Variants in RSF1 observed in about 807,000 individuals in gnomAD.
RSF1 encodes the protein HBV pX-associated protein 8.
In RSF1, 13 loss-of-function variants were observed where a neutral mutation model predicts 145.2. The observed-to-expected ratio is 0.09, with a 90% confidence interval of 0.06 to 0.14. RSF1 has a LOEUF of 0.14. RSF1 is among the 10% of genes least tolerant of loss of function. The pLI is 1.00. For missense variants in RSF1, 1,517 were observed against 1,718.2 expected, an observed-to-expected ratio of 0.88 and a Z score of 2.07; for synonymous variants, 577 against 592.6, an observed-to-expected ratio of 0.97 and a Z score of 0.38.
At chr11:77,817,621 C>A (rs985495764) in intron 1 of RSF1, among the ~76,000 whole-genome samples, 2 of 152,186 alleles carry the variant, frequency 1.3e-5, no homozygotes, top group Non-Finnish European at 2.9e-5. Context: ...AATTTTGTGG[C>A]TTTGGACTCA....
chr11:77,854,676 C>T, the RSF1 span, among the ~76,000 whole-genome samples: 8 of 152,310 alleles, frequency 5.3e-5, no homozygotes, highest in Admixed American at 5.2e-4. Flanking sequence ...CTTTCGTGGG[C>T]TGGCATTGAG....
chr11:77,744,994 T>C (rs1947984947), intron 3 of RSF1, among the ~76,000 whole-genome samples: 1 of 152,206 alleles, frequency 6.6e-6, no homozygotes, highest in Non-Finnish European at 1.5e-5. Context: ...TATTAGTCTG[T>C]TCAGATTTTC....
intron 11 of RSF1, among the ~76,000 whole-genome samples, chr11:77,679,509 T>C (rs572743402): frequency 3.8e-4 from 58 of 151,886 alleles, no homozygotes; most frequent in African/African-American, 1.3e-3. Context: ...CCTGTCTCTA[T>C]AAAGAATACA....
At chr11:77,835,782 G>T in the RSF1 span, among the ~76,000 whole-genome samples, 2 of 152,032 alleles carry the variant, frequency 1.3e-5, no homozygotes, top group South Asian at 4.1e-4. Context: ...TTAACCAGGC[G>T]TGGTGGCATG....
chr11:77,788,624 C>T (rs1173188146), intron 1 of RSF1, among the ~76,000 whole-genome samples: 4 of 151,740 alleles, frequency 2.6e-5, no homozygotes, highest in African/African-American at 9.7e-5. Flanking sequence ...AAATAACAGT[C>T]GTGGCATGCA....
In RSF1 at chr11:77,662,091, AAAC is replaced by A. The variant is rs1184515864; in HGVS notation, c.*4823_*4825del. On this transcript the variant is annotated 3_prime_UTR_variant, in exon 16 of 16. Transcript: ENST00000308488. ...GTACCGGTTTGGCCAAAAAAGGAAA[AAAC>A]AAAATTCCTTTAAAAATGTTTTTTT... is the stretch of plus-strand genomic sequence containing the variant. 6.6e-6 allele frequency: 1 copy of A among 152,126 alleles called. No individual in the cohort carries two copies. Among genetic ancestry groups the A allele is most frequent in the African/African-American group, 2.4e-5 (1 of 41,434 alleles). The allele number at this position is 152,126 out of a possible 1,614,324, so 9.4% of individuals were successfully genotyped here.
the RSF1 span, among the ~76,000 whole-genome samples, chr11:77,840,607 C>T: frequency 2.6e-5 from 4 of 152,094 alleles, no homozygotes; most frequent in Non-Finnish European, 5.9e-5. Flanking sequence ...CTGGGTATCC[C>T]TATGTTACCC....
chr11:77,688,686 A>G (rs1032265412), intron 9 of RSF1, among the ~76,000 whole-genome samples: 1 of 152,130 alleles, frequency 6.6e-6, no homozygotes, highest in African/African-American at 2.4e-5. Context: ...CCTACTTGGG[A>G]GGCTGGGGCA....
the RSF1 span, among the ~76,000 whole-genome samples, chr11:77,833,467 C>A: frequency 3.9e-5 from 6 of 152,100 alleles, no homozygotes; most frequent in African/African-American, 1.4e-4. Context: ...AATGCTGCTG[C>A]TGATGTGTCA....
At chr11:77,706,219 G>A (rs548532531) in intron 5 of RSF1, among the ~76,000 whole-genome samples, 18 of 136,350 alleles carry the variant, frequency 1.3e-4, no homozygotes, top group Non-Finnish European at 2.1e-4. Context: ...CCAGCCTGGC[G>A]ACAGAGTGAG....
At chr11:77,715,316 T>C (rs55899996) in intron 5 of RSF1, among the ~76,000 whole-genome samples, 4 of 152,340 alleles carry the variant, frequency 2.6e-5, no homozygotes, top group Non-Finnish European at 4.4e-5. Context: ...AAAAGACAGA[T>C]GGTGATAATA....
intron 1 of RSF1, among the ~76,000 whole-genome samples, chr11:77,771,505 G>C (rs929410742): frequency 6.6e-6 from 1 of 152,178 alleles, no homozygotes; most frequent in African/African-American, 2.4e-5. Flanking sequence ...CAAAGGCCAA[G>C]TCTTAGAGCT....
intron 3 of RSF1, among the ~76,000 whole-genome samples, chr11:77,742,877 C>T (rs1218537499): frequency 1.3e-5 from 2 of 152,114 alleles, no homozygotes; most frequent in African/African-American, 2.4e-5. Context: ...TTTATACTTT[C>T]GGGTCTATAT....
the RSF1 span, among the ~76,000 whole-genome samples, chr11:77,860,756 G>A: frequency 6.6e-6 from 1 of 152,176 alleles, no homozygotes; most frequent in Non-Finnish European, 1.5e-5. Context: ...GAGTCAGGAT[G>A]TACAGGGATG....
At chr11:77,799,613 C>A (rs1187449419) in intron 1 of RSF1, among the ~76,000 whole-genome samples, 2 of 151,728 alleles carry the variant, frequency 1.3e-5, no homozygotes, top group Non-Finnish European at 1.5e-5. Flanking sequence ...CTTGTCCTTT[C>A]AAATTTCACC....
chr11:77,752,069 C>T (rs1367033419), intron 2 of RSF1, among the ~76,000 whole-genome samples: 3 of 152,176 alleles, frequency 2.0e-5, no homozygotes, highest in African/African-American at 7.2e-5. Flanking sequence ...CAAACTGATA[C>T]AGGAGATAGA....
chr11:77,672,848 A>G (rs2135813526), intron 14 of RSF1, among the ~76,000 whole-genome samples: 1 of 152,168 alleles, frequency 6.6e-6, no homozygotes, highest in South Asian at 2.1e-4. Context: ...ACATCTGGCT[A>G]ATTTTTGTAT....
chr11:77,667,127 A>C lies in RSF1; in HGVS notation c.4116T>G (p.Asn1372Lys). The change falls in exon 16 of 16, where the codon AAT becomes AAG. Residue 1372 changes from asparagine to lysine, a missense_variant. Coordinates refer to ENST00000308488, the MANE Select transcript of RSF1 (RefSeq NM_016578.4). ...DYSLVDLPSTNGQSPGKAIEN... is the reference protein window; with the variant it reads ...DYSLVDLPSTKGQSPGKAIEN... Reference sequence around the variant, plus strand: ...CAATGGCTTTGCCAGGGCTCTGTCCATTGGTTGAAGGTAAGTCCACTAAGC... The same window carrying C: ...CAATGGCTTTGCCAGGGCTCTGTCCCTTGGTTGAAGGTAAGTCCACTAAGC... 1 of 1,614,166 alleles carries C rather than the reference A, an allele frequency of 6.2e-7. No individual in the cohort carries two copies. Among genetic ancestry groups the C allele is most frequent in the South Asian group, 1.1e-5 (1 of 91,084 alleles).
intron 5 of RSF1, among the ~76,000 whole-genome samples, chr11:77,721,449 T>C (rs1439288709): frequency 2.0e-5 from 3 of 152,232 alleles, no homozygotes; most frequent in Non-Finnish European, 4.4e-5. Context: ...TGAAATTATA[T>C]GTAAGTGCAG....
Sources: allele counts gnomAD v4.1 joint callset (sites outside exome capture counted in the v4.1 genomes callset), GRCh38; gene constraint gnomAD v4.1.1; transcripts MANE v1.5; gene names NCBI Gene and HGNC (gene_info 2026-07-23, HGNC 2026-07-21).